EYS: variants seen among roughly 807,000 people sequenced by gnomAD.
EYS encodes protein eyes shut homolog.
In EYS, 250 loss-of-function variants were observed where a neutral mutation model predicts 282.1. That is an observed-to-expected ratio of 0.89 (90% CI 0.80 to 0.98). The LOEUF is 0.98. EYS is among the 50% of genes least tolerant of loss of function. The pLI is 0.00. For synonymous variants in EYS, 1,355 were observed against 1,282.9 expected, an observed-to-expected ratio of 1.06 and a Z score of -1.20; for missense variants, 4,016 against 3,709.0, an observed-to-expected ratio of 1.08 and a Z score of -2.15.
intron 30 of EYS, among the ~76,000 whole-genome samples, chr6:64,285,428 A>G (rs1180428071): frequency 6.6e-6 from 1 of 152,188 alleles, no homozygotes; most frequent in Admixed American, 6.5e-5. Context: ...CAAGTTCCTC[A>G]TCTCCATCTG....
intron 29 of EYS, among the ~76,000 whole-genome samples, chr6:64,372,909 C>G (rs115819733): frequency 0.031 from 4,737 of 152,260 alleles, 231 homozygotes; most frequent in African/African-American, 0.11. Context: ...TTTTTCTTCT[C>G]CATAAAATCA....
chr6:64,465,826 T>C (rs1953682), intron 26 of EYS, among the ~76,000 whole-genome samples: 45,617 of 151,734 alleles, frequency 0.3, 6,907 homozygotes, highest in East Asian at 0.47. Flanking sequence ...ACCTGCAGAA[T>C]TGGAGAAAAT....
rs546109117 is a variant in EYS at position 65,560,079 on chromosome 6, CTA to C, written c.-332-64088_-332-64087del. 2.6e-3 allele frequency among the ~76,000 whole-genome samples: 387 copies of C among 149,552 alleles called. 4 individuals are homozygous for C. Among genetic ancestry groups the C allele is most frequent in the Middle Eastern group, 6.8e-3 (1 of 146 alleles). On this transcript the variant is annotated intron_variant, in intron 2 of 42. Transcript: ENST00000503581. ...TCAATGATCATATCCTATATTATAT[CTA>C]TTACTCAAAACATTGACAAACTATA...
chr6:64,285,604 A>C (rs1768470593), intron 30 of EYS, among the ~76,000 whole-genome samples: 1 of 152,144 alleles, frequency 6.6e-6, no homozygotes, highest in African/African-American at 2.4e-5. Context: ...ACCCTACTCT[A>C]CTGGTACCAA....
intron 8 of EYS, among the ~76,000 whole-genome samples, chr6:65,371,741 C>CTCTCTCTGTG (rs1335075948): frequency 4.3e-5 from 3 of 70,244 alleles, no homozygotes; most frequent in African/African-American, 1.8e-4. Flanking sequence ...CTCTCTCTCT[C>CTCTCTCTGTG]TGTGTGTGTG....
Position 64,439,157 on chromosome 6 carries a change from CTTACCT to C in EYS, c.5834_5835+4del, listed in dbSNP as rs1582753394. 5.0e-6 allele frequency: 7 copies of C among 1,388,796 alleles called. No homozygotes were observed. Among genetic ancestry groups the C allele is most frequent in the Non-Finnish European group, 6.7e-6 (7 of 1,046,880 alleles). The allele number at this position is 1,388,796 out of a possible 1,614,324, so 86.0% of individuals were successfully genotyped here. On this transcript the variant is annotated splice_donor_variant and splice_donor_region_variant and coding_sequence_variant and intron_variant, in exon 27 of 43. Transcript: ENST00000503581. LOFTEE classifies it high-confidence loss of function. ...TTAAAAAATTAAATGAACTGAATAACTTACCTTTAAAGTACCATTTTCAATAAACAA... is the reference window on the plus strand; with the variant it reads ...TTAAAAAATTAAATGAACTGAATAACTTAAAGTACCATTTTCAATAAACAA...
intron 1 of EYS, among the ~76,000 whole-genome samples, chr6:65,648,666 A>G (rs1393811002): frequency 6.6e-6 from 1 of 152,016 alleles, no homozygotes; most frequent in East Asian, 2.0e-4. Context: ...GTACTTATTC[A>G]TATAACCAAA....
chr6:64,566,012 CTG>C (rs1765557162), intron 26 of EYS, among the ~76,000 whole-genome samples: 1 of 148,906 alleles, frequency 6.7e-6, no homozygotes, highest in Non-Finnish European at 1.5e-5. Context: ...ATATATATAA[CTG>C]TGTGTGTGCA....
At chr6:65,546,506 C>G (rs1460389651) in intron 2 of EYS, among the ~76,000 whole-genome samples, 1 of 151,994 alleles carries the variant, frequency 6.6e-6, no homozygotes, top group Admixed American at 6.6e-5. Context: ...ATTTGACTTA[C>G]AAAGAGTTTT....
At chr6:65,285,178 T>C (rs1379317788) in intron 12 of EYS, among the ~76,000 whole-genome samples, 4 of 152,048 alleles carry the variant, frequency 2.6e-5, no homozygotes, top group Non-Finnish European at 5.9e-5. Flanking sequence ...CCTTTGAGGA[T>C]TGTGTTTAAA....
intron 33 of EYS, among the ~76,000 whole-genome samples, chr6:64,042,023 A>T (rs1035299218): frequency 6.7e-6 from 1 of 149,782 alleles, no homozygotes; most frequent in Non-Finnish European, 1.5e-5. Flanking sequence ...TACCAGTGTA[A>T]GTGAGAAAAG....
chr6:64,714,518 T>TTTC (rs1373601791), intron 22 of EYS, among the ~76,000 whole-genome samples: 1 of 1,112 alleles, frequency 9.0e-4, no homozygotes, highest in Non-Finnish European at 0.1. Flanking sequence ...CTTTCTTTCT[T>TTTC]TTTTTTTTTT....
chr6:64,598,645 G>A (rs970540813), intron 24 of EYS, among the ~76,000 whole-genome samples: 1 of 152,140 alleles, frequency 6.6e-6, no homozygotes, highest in Admixed American at 6.5e-5. Context: ...TGTGGACATT[G>A]TATAGCCCTC....
chr6:64,383,243 G>A (rs918643071), intron 29 of EYS, among the ~76,000 whole-genome samples: 8 of 152,248 alleles, frequency 5.3e-5, no homozygotes, highest in African/African-American at 1.9e-4. Context: ...CGAGGCTGCA[G>A]TGAGCCAAGA....
chr6:65,245,588 C>T (rs367760026), intron 12 of EYS, among the ~76,000 whole-genome samples: 4 of 151,904 alleles, frequency 2.6e-5, no homozygotes, highest in Non-Finnish European at 4.4e-5. Flanking sequence ...AGTTCTTGTG[C>T]GTTTCCCTGA....
At chr6:65,230,650 C>T (rs1408619013) in intron 12 of EYS, among the ~76,000 whole-genome samples, 3 of 151,736 alleles carry the variant, frequency 2.0e-5, no homozygotes, top group Non-Finnish European at 4.4e-5. Flanking sequence ...GCCTATCTCA[C>T]ATGTGGAGGG....
intron 12 of EYS, among the ~76,000 whole-genome samples, chr6:65,095,462 C>T (rs1774712614): frequency 6.7e-6 from 1 of 150,232 alleles, no homozygotes; most frequent in Non-Finnish European, 1.5e-5. Context: ...AAGTTAAGTA[C>T]ATGAGGTAAT....
intron 26 of EYS, among the ~76,000 whole-genome samples, chr6:64,504,497 C>T (rs1777151668): frequency 6.6e-6 from 1 of 152,100 alleles, no homozygotes; most frequent in Non-Finnish European, 1.5e-5. Context: ...TGGCCGACTA[C>T]CATGGGGGCC....
chr6:64,872,879 GTGCAGTCACACTTAGTAAAGTGTGACT>G lies in EYS; in HGVS notation c.2992+13791_2992+13817del, dbSNP rs562681446. ...AGGAAGTATAACAGGAACTTCAGGAGTGCAGTCACACTTAGTAAAGTGTGACTTGATCAATATGCTCACATGATTAAA... is the reference window on the plus strand; with the variant it reads ...AGGAAGTATAACAGGAACTTCAGGAGTGATCAATATGCTCACATGATTAAA... On this transcript the variant is annotated intron_variant, in intron 19 of 42. Transcript: ENST00000503581. 2.0e-3 allele frequency among the ~76,000 whole-genome samples: 307 copies of G among 152,102 alleles called. 2 individuals carry two copies. The highest frequency in any genetic ancestry group is 7.1e-3 in the African/African-American group (293 of 41,540).
Sources: gnomAD v4.1 joint callset for allele counts (sites outside exome capture counted in the v4.1 genomes callset) on GRCh38, gnomAD v4.1.1 for gene constraint, MANE v1.5 for transcripts, NCBI Gene and HGNC (gene_info 2026-07-23, HGNC 2026-07-21) for gene names.